JAM2: variants seen among roughly 807,000 people sequenced by gnomAD.
JAM2 encodes the protein junctional adhesion molecule 2, also known as junctional adhesion molecule B.
A neutral mutation model predicts 42.0 loss-of-function variants in JAM2; 17 were observed. That is an observed-to-expected ratio of 0.40 (90% CI 0.28 to 0.61). The LOEUF (loss-of-function observed/expected upper bound fraction) is 0.61. Among genes scored for constraint, JAM2 ranks in the 20% least tolerant of loss-of-function variants. The pLI, the probability that JAM2 is intolerant of heterozygous loss-of-function variation, is 0.37. For synonymous variants in JAM2, 118 were observed against 128.6 expected, an observed-to-expected ratio of 0.92 and a Z score of 0.56; for missense variants, 319 against 358.3, an observed-to-expected ratio of 0.89 and a Z score of 0.89.
At chr21:25,711,397 C>T (rs533467452) in intron 8 of JAM2, 7 of 455,950 alleles carry the variant, frequency 1.5e-5, no homozygotes, top group South Asian at 4.6e-5. Context: ...GCTCTATGGG[C>T]GTAGAGAGAA....
chr21:25,672,726 G>A (rs550804173), intron 1 of JAM2, among the ~76,000 whole-genome samples: 2 of 152,298 alleles, frequency 1.3e-5, no homozygotes, highest in South Asian at 4.1e-4. Context: ...TCATTAGTAA[G>A]GAGGGCACCC....
intron 1 of JAM2, 45 bp downstream of exon 1, chr21:25,639,933 G>A: frequency 1.4e-6 from 2 of 1,380,042 alleles, no homozygotes; most frequent in Non-Finnish European, 2.0e-6. Context: ...GGACCAGCCT[G>A]CCCCCACCCT....
intron 1 of JAM2, among the ~76,000 whole-genome samples, chr21:25,666,746 G>A (rs753327885): frequency 2.6e-5 from 4 of 152,030 alleles, no homozygotes; most frequent in Non-Finnish European, 5.9e-5. Context: ...GTGTTGCCCA[G>A]ACTGGTCTCA....
intron 1 of JAM2, among the ~76,000 whole-genome samples, chr21:25,671,325 A>C (rs2033356044): frequency 6.6e-6 from 1 of 152,098 alleles, no homozygotes; most frequent in South Asian, 2.1e-4. Flanking sequence ...ATTCTTGCAA[A>C]TTTTACAAAA....
intron 3 of JAM2, among the ~76,000 whole-genome samples, chr21:25,690,961 T>C (rs943939826): frequency 6.6e-6 from 1 of 152,230 alleles, no homozygotes; most frequent in Admixed American, 6.5e-5. Context: ...TGCTTCAAAA[T>C]AAACCAGTGG....
chr21:25,700,572 G>A (rs1352258698), intron 5 of JAM2, among the ~76,000 whole-genome samples: 1 of 152,112 alleles, frequency 6.6e-6, no homozygotes, highest in Non-Finnish European at 1.5e-5. Flanking sequence ...TGTTGGCCAG[G>A]CTGGTCTTGA....
chr21:25,659,544 G>T (rs1296952900), intron 1 of JAM2, among the ~76,000 whole-genome samples: 1 of 152,076 alleles, frequency 6.6e-6, no homozygotes, highest in Non-Finnish European at 1.5e-5. Flanking sequence ...GAAAGCATTT[G>T]GGATTCTTTC....
chr21:25,663,958 A>G (rs543692347), intron 1 of JAM2, among the ~76,000 whole-genome samples: 83 of 152,228 alleles, frequency 5.5e-4, no homozygotes, highest in African/African-American at 1.8e-3. Context: ...TCTCTCTGTC[A>G]TGTATCTTCA....
At chr21:25,688,948 T>A (rs1033548209) in intron 2 of JAM2, among the ~76,000 whole-genome samples, 2 of 151,796 alleles carry the variant, frequency 1.3e-5, no homozygotes, top group Non-Finnish European at 1.5e-5. Flanking sequence ...AAAATACTTT[T>A]AAAAATATTT....
At chr21:25,643,687 G>C (rs1478692690) in intron 1 of JAM2, 1 of 152,174 alleles carries the variant, frequency 6.6e-6, no homozygotes, top group African/African-American at 2.4e-5. Context: ...TGGGCTTGTA[G>C]GTGGATTTAA....
At chr21:25,647,724 A>G (rs1032105065) in intron 1 of JAM2, among the ~76,000 whole-genome samples, 2 of 152,222 alleles carry the variant, frequency 1.3e-5, no homozygotes, top group African/African-American at 4.8e-5. Context: ...AAAAAGTCCA[A>G]AGGAGAACGT....
chr21:25,711,490 C>A (rs568203741), intron 8 of JAM2: 54 of 430,752 alleles, frequency 1.3e-4, no homozygotes, highest in Non-Finnish European at 2.2e-4. Context: ...AGTTTGTCAT[C>A]TCCTAATTCC....
rs199627485 is a variant in JAM2, at chr21:25,656,841, T to TTA, written c.67+16961_67+16962dup. On this transcript the variant is annotated intron_variant, in intron 1 of 9. Coordinates refer to ENST00000480456, the MANE Select transcript of JAM2 (RefSeq NM_021219.4). ...AATCACATATTATTTGCTTGTACAA[T>TTA]TATATATATGTTCAACTATTTATAT... 5.4e-3 allele frequency among the ~76,000 whole-genome samples: 817 copies of TTA among 152,318 alleles called. 3 individuals carry two copies. Among genetic ancestry groups the TTA allele is most frequent in the Non-Finnish European group, 7.6e-3 (520 of 68,036 alleles).
intron 1 of JAM2, among the ~76,000 whole-genome samples, chr21:25,668,292 T>C (rs1390567462): frequency 6.6e-6 from 1 of 152,234 alleles, no homozygotes; most frequent in Admixed American, 6.5e-5. Context: ...ATGATCTGAC[T>C]TAGCATTTTA....
chr21:25,658,564 C>G (rs1183653260), intron 1 of JAM2, among the ~76,000 whole-genome samples: 1 of 152,008 alleles, frequency 6.6e-6, no homozygotes, highest in East Asian at 1.9e-4. Context: ...AACAAGTGCC[C>G]AGAGTAATAA....
rs2033733424 is a variant in JAM2 at position 25,685,560 on chromosome 21, T to A, written c.133+1612T>A. 2.6e-5 allele frequency among the ~76,000 whole-genome samples: 4 copies of A among 151,282 alleles called. No individual in the cohort carries two copies. In the South Asian group the frequency reaches 8.4e-4, roughly 32 times the overall value. On this transcript the variant is annotated intron_variant, in intron 2 of 9. Transcript: ENST00000480456. ...AAAAAAAAAAAAAAGTTCATCATTT[T>A]AAAAAATGAGTAATTTAATAACAAA...
At position 25,715,528 on chromosome 21, in the gene JAM2, C is replaced by G. The variant is rs1476721394; in HGVS notation, c.*856C>G. On this transcript the variant is annotated 3_prime_UTR_variant, in exon 10 of 10. Transcript: ENST00000480456. ...GAGTGGTGACTTCACATCTTTCTGT[C>G]TCTAAAAATTGTGCAGTGACATTCC... is the stretch of plus-strand genomic sequence containing the variant. 6.6e-6 allele frequency: 1 copy of G among 152,188 alleles called. No homozygotes were observed. Among genetic ancestry groups the G allele is most frequent in the Non-Finnish European group, 1.5e-5 (1 of 68,038 alleles). The allele number at this position is 152,188 out of a possible 1,614,324, so 9.4% of individuals were successfully genotyped here.
chr21:25,696,711 T>C (rs2034044475), intron 4 of JAM2, among the ~76,000 whole-genome samples: 2 of 152,150 alleles, frequency 1.3e-5, no homozygotes, highest in South Asian at 4.1e-4. Flanking sequence ...TTCTTGGTGT[T>C]GCCAGATTTT....
At chr21:25,644,668 T>C (rs1318123346) in intron 1 of JAM2, among the ~76,000 whole-genome samples, 2 of 152,196 alleles carry the variant, frequency 1.3e-5, no homozygotes, top group Non-Finnish European at 2.9e-5. Flanking sequence ...AAGTAAGATA[T>C]TTATAGGTTC....
Sources: gnomAD v4.1 joint callset for allele counts (sites outside exome capture counted in the v4.1 genomes callset) on GRCh38, gnomAD v4.1.1 for gene constraint, MANE v1.5 for transcripts, NCBI Gene and HGNC (gene_info 2026-07-23, HGNC 2026-07-21) for gene names.